Variants in TTC34 observed in about 807,000 individuals in gnomAD.
TTC34 encodes tetratricopeptide repeat protein 34.
In TTC34, 44 loss-of-function variants were observed where a neutral mutation model predicts 40.7. That is an observed-to-expected ratio of 1.08 (90% CI 0.85 to 1.39). TTC34 has a LOEUF of 1.39. TTC34 is among the 40% of genes most tolerant of loss of function. The pLI is 0.00. For synonymous variants in TTC34, 422 were observed against 398.6 expected (o/e 1.06, Z -0.70); for missense variants, 884 against 838.0 (o/e 1.05, Z -0.68).
At chr1:2,688,435 G>T (rs1286829512) in intron 6 of TTC34, among the ~76,000 whole-genome samples, 3 of 151,026 alleles carry the variant, frequency 2.0e-5, no homozygotes, top group East Asian at 1.9e-4. Flanking sequence ...CGACAGCCTG[G>T]AGCAGGACCC....
intron 6 of TTC34, among the ~76,000 whole-genome samples, chr1:2,655,596 T>G (rs1357971180): frequency 1.5e-5 from 2 of 136,348 alleles, no homozygotes; most frequent in African/African-American, 5.7e-5. Flanking sequence ...TCTGACAGCC[T>G]GGAACAGCAC....
At chr1:2,791,496 C>T (rs1643663013) in intron 2 of TTC34, among the ~76,000 whole-genome samples, 1 of 152,154 alleles carries the variant, frequency 6.6e-6, no homozygotes, top group East Asian at 1.9e-4. Context: ...CAAAATACCA[C>T]GCAGGGCACA....
chr1:2,683,354 C>A (rs79461903), intron 6 of TTC34, among the ~76,000 whole-genome samples: 1,395 of 63,876 alleles, frequency 0.022, 29 homozygotes, highest in African/African-American at 0.055. Context: ...CCCTGCACCC[C>A]CAGGTGAGCA....
intron 6 of TTC34, among the ~76,000 whole-genome samples, chr1:2,683,404 A>AGCCGACAGCC (rs1640167736): frequency 1.5e-5 from 2 of 135,410 alleles, no homozygotes; most frequent in African/African-American, 2.9e-5. Flanking sequence ...CCAGGTGAGC[A>AGCCGACAGCC]TCCGATAGCC....
chr1:2,751,317 G>GC (rs1641311343), intron 6 of TTC34, among the ~76,000 whole-genome samples: 1 of 118,628 alleles, frequency 8.4e-6, no homozygotes, highest in Non-Finnish European at 1.7e-5. Flanking sequence ...CCGTGGAGCA[G>GC]AACAAACACC....
intron 6 of TTC34, among the ~76,000 whole-genome samples, chr1:2,685,253 T>C (rs1284963509): frequency 7.5e-5 from 7 of 93,562 alleles, no homozygotes; most frequent in African/African-American, 1.9e-4. Flanking sequence ...GGTGAGCATC[T>C]GAGAGCCTGG....
chr1:2,651,572 CTG>C (rs1424805711), intron 6 of TTC34, among the ~76,000 whole-genome samples: 2 of 151,464 alleles, frequency 1.3e-5, no homozygotes, highest in East Asian at 3.9e-4. Flanking sequence ...AGCTGAGTGT[CTG>C]AGAGCCTGGA....
intron 6 of TTC34, among the ~76,000 whole-genome samples, chr1:2,751,046 C>T (rs1220993388): frequency 5.0e-5 from 4 of 79,454 alleles, no homozygotes; most frequent in Admixed American, 3.9e-4. Context: ...AGAACCCACA[C>T]CCCCAGGTGA....
chr1:2,759,706 G>A lies in TTC34; in HGVS notation c.2226+23903C>T, dbSNP rs1183073767. The stretch of plus-strand genomic sequence containing the variant: ...CCAGGCTTGCATCCGACAGCCTGGA[G>A]CAGGACCCACACCCCGAGGTGAACA... On this transcript the variant is annotated intron_variant, in intron 6 of 8. Coordinates refer to ENST00000401095, the Ensembl canonical transcript of TTC34. 2.6e-3 allele frequency among the ~76,000 whole-genome samples: 182 copies of A among 69,926 alleles called. 4 individuals carry two copies. The highest frequency in any genetic ancestry group is 6.6e-3 in the African/African-American group (86 of 13,014). 45.9% of individuals were successfully genotyped at this position (69,926 alleles called of 152,430 possible). A position where few individuals can be genotyped will look rare whatever the true frequency, so the allele number is the denominator to read the frequency against.
Position 2,644,276 on chromosome 1 carries a change from C to A in TTC34, c.2700G>T (p.Gln900His), listed in dbSNP as rs573143689. 25 of 1,534,356 alleles carry A rather than the reference C, an allele frequency of 1.6e-5. No homozygotes were observed. In the African/African-American group the frequency reaches 3.4e-4, roughly 21 times the overall value. ...GTTCTTTGGGCACCTGGGCAAGGCT[C>A]TGCCGCTCCGAGGCCTCCAGGAGAT... The change falls in exon 8 of 9, where the codon CAG (glutamine) becomes CAT (histidine). Residue 900 changes from glutamine to histidine, a missense_variant. By Grantham distance (24) the Gln-to-His change is conservative. Transcript: ENST00000401095.
At chr1:2,749,012 G>GAC (rs1641233001) in intron 6 of TTC34, among the ~76,000 whole-genome samples, 8 of 133,878 alleles carry the variant, frequency 6.0e-5, no homozygotes, top group African/African-American at 1.2e-4. Context: ...GCCCAGGTGA[G>GAC]CATCTGACAG....
chr1:2,695,665 A>G (rs1569623968), intron 6 of TTC34, among the ~76,000 whole-genome samples: 1 of 143,960 alleles, frequency 6.9e-6, no homozygotes, highest in Non-Finnish European at 1.5e-5. Flanking sequence ...CGCCTGGAAC[A>G]GCACCCACAC....
At chr1:2,778,117 C>T (rs1440137646) in intron 6 of TTC34, among the ~76,000 whole-genome samples, 2 of 152,206 alleles carry the variant, frequency 1.3e-5, no homozygotes, top group African/African-American at 2.4e-5. Flanking sequence ...AAACTTGGTG[C>T]CCTGGTCCAG....
intron 6 of TTC34, among the ~76,000 whole-genome samples, chr1:2,753,613 C>T (rs1210645925): frequency 1.5e-3 from 157 of 102,310 alleles, no homozygotes; most frequent in Middle Eastern, 5.9e-3. Flanking sequence ...AGCAGCACCC[C>T]ACACCCACAG....
intron 4 of TTC34, 145 bp downstream of exon 4, chr1:2,787,336 G>T: frequency 1.6e-6 from 1 of 628,700 alleles, no homozygotes; most frequent in Non-Finnish European, 2.5e-6. Context: ...AGGGCCTGCA[G>T]CAGGTGCAGA....
chr1:2,785,365 C>T (rs2100623557), intron 5 of TTC34, among the ~76,000 whole-genome samples: 1 of 152,262 alleles, frequency 6.6e-6, no homozygotes, highest in East Asian at 1.9e-4. Context: ...CCCCCCAACC[C>T]CAGAAACAGC....
chr1:2,775,214 G>A (rs1313425860), intron 6 of TTC34: 2 of 148,702 alleles, frequency 1.3e-5, no homozygotes, highest in African/African-American at 5.1e-5. Context: ...TGACAGTCTG[G>A]AACAGCATCC....
rs374767087 is a variant in TTC34, at chr1:2,778,911, C to T, written c.2226+4698G>A. 2.7e-4 allele frequency among the ~76,000 whole-genome samples: 41 copies of T among 152,252 alleles called. No individual in the cohort carries two copies. In the South Asian group the frequency reaches 2.7e-3, roughly 10 times the overall value. ...CTGTCCCCGTTAAATACTAACTCTC[C>T]GTTCCCCAGGCACTCTCTGCCCCCA... On this transcript the variant is annotated intron_variant, in intron 6 of 8. Coordinates refer to ENST00000401095, the Ensembl canonical transcript of TTC34.
At chr1:2,691,568 G>A (rs1640619052) in intron 6 of TTC34, among the ~76,000 whole-genome samples, 8 of 132,064 alleles carry the variant, frequency 6.1e-5, no homozygotes, top group East Asian at 4.5e-4. Flanking sequence ...TGACAGACTG[G>A]AACAGCACCC....
Sources: gnomAD v4.1 joint callset for allele counts (sites outside exome capture counted in the v4.1 genomes callset) on GRCh38, gnomAD v4.1.1 for gene constraint, MANE v1.5 for transcripts, NCBI Gene and HGNC (gene_info 2026-07-23, HGNC 2026-07-21) for gene names.